Variants in NRDC observed in about 807,000 individuals in gnomAD.
The protein encoded by NRDC is nardilysin convertase, also known as nardilysin.
A neutral mutation model predicts 147.1 loss-of-function variants in NRDC; 54 were observed. That is an observed-to-expected ratio of 0.37 (90% CI 0.29 to 0.46). The LOEUF is 0.46. Ranked by LOEUF, NRDC falls within the 20% of genes least tolerant of loss-of-function variation. NRDC has a pLI of 1.00. For synonymous variants in NRDC, 440 were observed against 482.1 expected (o/e 0.91, Z 1.14); for missense variants, 1,082 against 1,370.6 (o/e 0.79, Z 3.33).
intron 1 of NRDC, among the ~76,000 whole-genome samples, chr1:51,847,751 T>TC (rs568504440): frequency 1.3e-5 from 2 of 152,068 alleles, no homozygotes; most frequent in South Asian, 4.2e-4. Flanking sequence ...TGCCTCTCCC[T>TC]CCACACCTCC....
In NRDC at chr1:51,800,544, A is replaced by G. The variant is rs1303037227; in HGVS notation, c.2441+12T>C. 1 of 1,613,748 alleles carries G rather than the reference A, an allele frequency of 6.2e-7. No individual in the cohort carries two copies. The highest frequency in any genetic ancestry group is 2.2e-5 in the East Asian group (1 of 44,874). Reference sequence around the variant, plus strand: ...GGTCCTCAAAATATAAGCTCATCTCATTTATACCCACTTGGCCAAAGTCTC... The same window carrying G: ...GGTCCTCAAAATATAAGCTCATCTCGTTTATACCCACTTGGCCAAAGTCTC... On this transcript the variant is annotated intron_variant, in intron 21 of 30. Coordinates refer to ENST00000352171, the MANE Select transcript of NRDC (RefSeq NM_001101662.2).
At chr1:51,810,604 A>G (rs1035749669) in intron 15 of NRDC, among the ~76,000 whole-genome samples, 200 bp from the exon 16 acceptor site, 1 of 152,244 alleles carries the variant, frequency 6.6e-6, no homozygotes, top group Non-Finnish European at 1.5e-5. Context: ...TATAGTTGAC[A>G]AATATCAAGT....
chr1:51,868,717 C>T (rs968420694), intron 1 of NRDC, among the ~76,000 whole-genome samples: 1 of 151,860 alleles, frequency 6.6e-6, no homozygotes, highest in Non-Finnish European at 1.5e-5. Flanking sequence ...CCCATCTCTA[C>T]AAAAATTAGC....
chr1:51,792,631 C>T (rs988098334), intron 24 of NRDC, among the ~76,000 whole-genome samples: 4 of 152,160 alleles, frequency 2.6e-5, no homozygotes, highest in African/African-American at 9.7e-5. Context: ...ACCATTTGTA[C>T]TCCCGGCACT....
At chr1:51,816,270 A>C in intron 11 of NRDC, 42 bp downstream of exon 11, 4 of 1,302,334 alleles carry the variant, frequency 3.1e-6, no homozygotes, top group Non-Finnish European at 4.3e-6. Context: ...ACTATTTTTC[A>C]GAGATTGCTA....
intron 1 of NRDC, among the ~76,000 whole-genome samples, chr1:51,867,754 A>G (rs1682886384): frequency 6.6e-6 from 1 of 152,232 alleles, no homozygotes; most frequent in African/African-American, 2.4e-5. Flanking sequence ...CAGTGTAACA[A>G]TAGTGGCAGA....
intron 1 of NRDC, among the ~76,000 whole-genome samples, chr1:51,863,486 T>C (rs571807684): frequency 6.6e-6 from 1 of 152,284 alleles, no homozygotes; most frequent in African/African-American, 2.4e-5. Context: ...CAAAACAGCA[T>C]TTAAGTCATT....
At chr1:51,829,965 C>CTTTTTTTTTTTTT (rs941972546) in intron 4 of NRDC, among the ~76,000 whole-genome samples, 1 of 131,254 alleles carries the variant, frequency 7.6e-6, no homozygotes, top group African/African-American at 3.0e-5. Flanking sequence ...TCTTTTATTT[C>CTTTTTTTTTTTTT]TTTTTTTTTT....
Position 51,865,847 on chromosome 1 carries a change from C to T in NRDC, c.341+12428G>A, listed in dbSNP as rs553615663. Among the ~76,000 whole-genome samples, 8 of 151,046 alleles carry T rather than the reference C, an allele frequency of 5.3e-5. No individual in the cohort carries two copies. In the South Asian group the frequency reaches 1.5e-3, roughly 28 times the overall value. On this transcript the variant is annotated intron_variant, in intron 1 of 30. Transcript: ENST00000352171. The stretch of plus-strand genomic sequence containing the variant: ...AGGGCGGATCAGGAGGTCAGGAGAA[C>T]GAGACCATCCTGGCCAACATGGTGA...
intron 27 of NRDC, among the ~76,000 whole-genome samples, chr1:51,791,311 C>G (rs1678642338): frequency 6.6e-6 from 1 of 152,208 alleles, no homozygotes; most frequent in Non-Finnish European, 1.5e-5. Flanking sequence ...CCTTTCCCTT[C>G]TTGTCCTCAG....
intron 1 of NRDC, among the ~76,000 whole-genome samples, chr1:51,871,908 T>C (rs1043625666): frequency 2.6e-5 from 4 of 152,208 alleles, no homozygotes; most frequent in Admixed American, 2.0e-4. Flanking sequence ...TCTGGTTCTG[T>C]TGCCCAGCCT....
At chr1:51,802,854 AAT>A (rs1679274121) in intron 20 of NRDC, among the ~76,000 whole-genome samples, 1 of 152,186 alleles carries the variant, frequency 6.6e-6, no homozygotes, top group Admixed American at 6.5e-5. Flanking sequence ...ATCTTAATAT[AAT>A]ATATATTCTA....
chr1:51,811,591 C>T (rs933979620), intron 15 of NRDC, among the ~76,000 whole-genome samples: 1 of 152,156 alleles, frequency 6.6e-6, no homozygotes, highest in South Asian at 2.1e-4. Context: ...GGGAACCTTA[C>T]ATTTTTTTAA....
At chr1:51,809,123 G>T (rs918731599) in intron 17 of NRDC, among the ~76,000 whole-genome samples, 192 bp downstream of exon 17, 1 of 152,172 alleles carries the variant, frequency 6.6e-6, no homozygotes. Flanking sequence ...GAATAGTCTT[G>T]TACCAGTCAC....
At chr1:51,825,051 T>G (rs1460508637) in intron 6 of NRDC, among the ~76,000 whole-genome samples, 1 of 152,224 alleles carries the variant, frequency 6.6e-6, no homozygotes, top group Non-Finnish European at 1.5e-5. Flanking sequence ...TAGCACAGTA[T>G]CTGGCACTTA....
chr1:51,809,506 C>T (rs1679615069), intron 16 of NRDC, 105 bp from the exon 17 acceptor site: 2 of 821,826 alleles, frequency 2.4e-6, no homozygotes, highest in Non-Finnish European at 4.2e-6. Flanking sequence ...TATCCTTTCT[C>T]AGGAATACTG....
At chr1:51,878,253 C>T in intron 1 of NRDC, 22 bp downstream of exon 1, 1 of 1,595,846 alleles carries the variant, frequency 6.3e-7, no homozygotes. Flanking sequence ...TTCGCCTCCC[C>T]ATTGCAAGCC....
At chr1:51,821,443 G>C in intron 8 of NRDC, 55 bp downstream of exon 8, 1 of 1,241,186 alleles carries the variant, frequency 8.1e-7, no homozygotes. Flanking sequence ...ACTCATACAA[G>C]ATAATGGTCT....
intron 21 of NRDC, among the ~76,000 whole-genome samples, chr1:51,800,316 A>G (rs1008109926): frequency 6.6e-6 from 1 of 152,136 alleles, no homozygotes; most frequent in Non-Finnish European, 1.5e-5. Context: ...TGATTGGTGA[A>G]AACACCCTTC....
Sources: allele counts gnomAD v4.1 joint callset (sites outside exome capture counted in the v4.1 genomes callset), GRCh38; gene constraint gnomAD v4.1.1; transcripts MANE v1.5; gene names NCBI Gene and HGNC (gene_info 2026-07-23, HGNC 2026-07-21).